PLCB1: variants seen among roughly 807,000 people sequenced by gnomAD.
PLCB1 encodes the protein 1-phosphatidylinositol 4,5-bisphosphate phosphodiesterase beta-1.
A neutral mutation model predicts 161.8 loss-of-function variants in PLCB1; 46 were observed. The observed-to-expected ratio is 0.28, with a 90% CI of 0.22 to 0.36. The LOEUF (loss-of-function observed/expected upper bound fraction) is 0.36, where lower values mean the gene tolerates loss of function less well. PLCB1 is among the 10% of genes least tolerant of loss of function. The pLI is 1.00. For missense variants in PLCB1, 1,016 were observed against 1,472.5 expected (o/e 0.69, Z 5.07); for synonymous variants, 517 against 503.7 (o/e 1.03, Z -0.35).
chr20:8,666,391 G>C (rs1989813058), intron 9 of PLCB1, among the ~76,000 whole-genome samples: 2 of 152,118 alleles, frequency 1.3e-5, no homozygotes, highest in Non-Finnish European at 2.9e-5. Flanking sequence ...AGTGAAAGAT[G>C]GGTAAGGTCA....
chr20:8,203,779 A>C (rs955790071), intron 2 of PLCB1, among the ~76,000 whole-genome samples: 3 of 152,172 alleles, frequency 2.0e-5, no homozygotes, highest in African/African-American at 7.2e-5. Context: ...GAGGCAACAA[A>C]ATAATAGATG....
chr20:8,159,016 A>T (rs2051593351), intron 2 of PLCB1, among the ~76,000 whole-genome samples: 1 of 152,104 alleles, frequency 6.6e-6, no homozygotes, highest in Non-Finnish European at 1.5e-5. Context: ...TAGAGTCTGG[A>T]GGATGGTGGC....
At chr20:8,582,068 C>T (rs1299781212) in intron 3 of PLCB1, among the ~76,000 whole-genome samples, 1 of 152,070 alleles carries the variant, frequency 6.6e-6, no homozygotes, top group African/African-American at 2.4e-5. Flanking sequence ...GCTTCTCTCC[C>T]CTATCCCCAA....
At chr20:8,745,999 T>G (rs1393376617) in intron 23 of PLCB1, among the ~76,000 whole-genome samples, 1 of 152,224 alleles carries the variant, frequency 6.6e-6, no homozygotes, top group African/African-American at 2.4e-5. Context: ...TGGCATGATC[T>G]CGGCTCACTG....
chr20:8,648,008 T>G, intron 6 of PLCB1, 55 bp downstream of exon 6: 2 of 1,267,966 alleles, frequency 1.6e-6, no homozygotes, highest in South Asian at 1.4e-5. Flanking sequence ...AAGATCTGAA[T>G]CCATGCCATG....
intron 14 of PLCB1, among the ~76,000 whole-genome samples, chr20:8,721,507 C>A (rs1010759822): frequency 2.6e-5 from 4 of 152,108 alleles, no homozygotes; most frequent in Non-Finnish European, 5.9e-5. Flanking sequence ...TTTAACCTAG[C>A]AGAAATGTCC....
intron 2 of PLCB1, among the ~76,000 whole-genome samples, chr20:8,294,411 G>T (rs1331442990): frequency 2.0e-5 from 3 of 151,814 alleles, no homozygotes; most frequent in African/African-American, 7.3e-5. Flanking sequence ...GATAAAGTGG[G>T]TCATTAGGGA....
chr20:8,866,305 G>A (rs113051314), intron 31 of PLCB1, among the ~76,000 whole-genome samples: 42 of 152,306 alleles, frequency 2.8e-4, no homozygotes, highest in African/African-American at 8.4e-4. Context: ...CCCAGTGATA[G>A]TTGCCTTGTT....
intron 2 of PLCB1, among the ~76,000 whole-genome samples, chr20:8,205,961 A>G (rs757277508): frequency 4.0e-5 from 6 of 151,064 alleles, no homozygotes; most frequent in Non-Finnish European, 7.4e-5. Flanking sequence ...TAGGTAGATC[A>G]TCCTCAGTGT....
chr20:8,386,470 A>C (rs777936524), intron 3 of PLCB1, among the ~76,000 whole-genome samples: 1 of 152,226 alleles, frequency 6.6e-6, no homozygotes, highest in Non-Finnish European at 1.5e-5. Flanking sequence ...CAGTAAGCTT[A>C]AGGTATTTAG....
chr20:8,297,171 G>A (rs903956578), intron 2 of PLCB1, among the ~76,000 whole-genome samples: 1 of 151,940 alleles, frequency 6.6e-6, no homozygotes, highest in African/African-American at 2.4e-5. Flanking sequence ...ATGTGCATAT[G>A]CATGTATACA....
chr20:8,844,051 G>T (rs907725895), intron 31 of PLCB1, among the ~76,000 whole-genome samples: 2 of 152,168 alleles, frequency 1.3e-5, no homozygotes, highest in Admixed American at 6.5e-5. Flanking sequence ...TCATTAACAT[G>T]CCATACACTT....
At chr20:8,543,658 G>A in intron 3 of PLCB1, among the ~76,000 whole-genome samples, 1 of 139,758 alleles carries the variant, frequency 7.2e-6, no homozygotes, top group East Asian at 1.9e-4. Context: ...ATCTGATACG[G>A]TTTGGCTGTG....
At chr20:8,506,369 T>A (rs1342000830) in intron 3 of PLCB1, among the ~76,000 whole-genome samples, 1 of 152,180 alleles carries the variant, frequency 6.6e-6, no homozygotes, top group Admixed American at 6.5e-5. Context: ...GCACCTCAGT[T>A]TTTTTCTCAG....
chr20:8,867,885 CATGTAT>C (rs1199422766), intron 31 of PLCB1, among the ~76,000 whole-genome samples: 8 of 152,144 alleles, frequency 5.3e-5, no homozygotes, highest in African/African-American at 1.9e-4. Context: ...AATTAATATA[CATGTAT>C]TAAGTTAATA....
intron 9 of PLCB1, among the ~76,000 whole-genome samples, chr20:8,681,084 G>GTATA (rs1205332253): frequency 7.5e-5 from 3 of 39,780 alleles, no homozygotes; most frequent in Admixed American, 2.8e-4. Flanking sequence ...ATATGTGTGT[G>GTATA]TGTATATATA....
At chr20:8,623,491 C>G (rs117917768) in intron 3 of PLCB1, among the ~76,000 whole-genome samples, 3,448 of 152,180 alleles carry the variant, frequency 0.023, 68 homozygotes, top group Admixed American at 0.03. Context: ...CATCATTATT[C>G]CATCCCAAAA....
intron 31 of PLCB1, among the ~76,000 whole-genome samples, chr20:8,795,353 C>A (rs1290174733): frequency 6.6e-6 from 1 of 152,136 alleles, no homozygotes; most frequent in Non-Finnish European, 1.5e-5. Context: ...CAATTTGACA[C>A]AAAATGATGT....
At chr20:8,164,759 G>C (rs960765099) in intron 2 of PLCB1, among the ~76,000 whole-genome samples, 9 of 152,188 alleles carry the variant, frequency 5.9e-5, no homozygotes, top group Non-Finnish European at 8.8e-5. Flanking sequence ...CACTTTGGGA[G>C]CTCAAAGGGG....
Sources: allele counts gnomAD v4.1 joint callset (sites outside exome capture counted in the v4.1 genomes callset), GRCh38; gene constraint gnomAD v4.1.1; transcripts MANE v1.5; gene names NCBI Gene and HGNC (gene_info 2026-07-23, HGNC 2026-07-21).